ZNF385D: variants seen among roughly 807,000 people sequenced by gnomAD.
The protein encoded by ZNF385D is zinc finger protein 659.
In ZNF385D, 15 loss-of-function variants were observed where a neutral mutation model predicts 35.8. The observed-to-expected ratio is 0.42, with a 90% CI of 0.28 to 0.64. ZNF385D has a LOEUF of 0.64. Ranked by LOEUF, ZNF385D falls within the 30% of genes least tolerant of loss-of-function variation. The pLI is 0.23. For synonymous variants in ZNF385D, 212 were observed against 186.8 expected, an observed-to-expected ratio of 1.13 and a Z score of -1.10; for missense variants, 474 against 494.6, an observed-to-expected ratio of 0.96 and a Z score of 0.39.
chr3:22,255,659 T>C (rs1700277812), intron 2 of ZNF385D, among the ~76,000 whole-genome samples: 1 of 150,332 alleles, frequency 6.7e-6, no homozygotes, highest in African/African-American at 2.4e-5. Context: ...TAACATCACA[T>C]TTCAAAAAAA....
At chr3:21,852,865 C>G (rs924366555) in intron 3 of ZNF385D, among the ~76,000 whole-genome samples, 1 of 151,762 alleles carries the variant, frequency 6.6e-6, no homozygotes, top group Non-Finnish European at 1.5e-5. Flanking sequence ...AAATAATGTT[C>G]TCTCTAAAGC....
intron 1 of ZNF385D, among the ~76,000 whole-genome samples, chr3:21,699,335 T>C (rs1035168941): frequency 1.3e-4 from 20 of 151,840 alleles, no homozygotes; most frequent in African/African-American, 4.4e-4. Context: ...CCGGGGCCTG[T>C]CAGGGGGTGA....
chr3:21,708,972 G>T (rs2068004230), intron 1 of ZNF385D, among the ~76,000 whole-genome samples: 1 of 152,046 alleles, frequency 6.6e-6, no homozygotes, highest in African/African-American at 2.4e-5. Flanking sequence ...GCAAAGGTTT[G>T]TTTCGAAAGC....
chr3:21,934,388 A>G (rs531896580), intron 3 of ZNF385D, among the ~76,000 whole-genome samples: 10 of 152,180 alleles, frequency 6.6e-5, no homozygotes, highest in Non-Finnish European at 1.5e-4. Flanking sequence ...ATAACTTTCA[A>G]TAGATTCTTT....
intron 2 of ZNF385D, among the ~76,000 whole-genome samples, chr3:22,205,822 A>G (rs1559451461): frequency 6.6e-6 from 1 of 151,982 alleles, no homozygotes; most frequent in African/African-American, 2.4e-5. Context: ...ACTAAAAGGA[A>G]GAAGGAAGGA....
intron 3 of ZNF385D, among the ~76,000 whole-genome samples, chr3:21,809,675 C>T (rs71613668): frequency 0.15 from 12,190 of 82,212 alleles, 750 homozygotes; most frequent in East Asian, 0.38. Context: ...CACATATATA[C>T]ACACATATAT....
intron 7 of ZNF385D, 27 bp downstream of exon 7, chr3:21,423,936 G>A (rs1394358858): frequency 1.4e-5 from 22 of 1,593,358 alleles, no homozygotes; most frequent in Non-Finnish European, 1.9e-5. Context: ...GGGAATAGAG[G>A]CTGGACTCTT....
chr3:21,672,326 G>C (rs1298992542), intron 1 of ZNF385D, among the ~76,000 whole-genome samples: 3 of 150,552 alleles, frequency 2.0e-5, no homozygotes, highest in African/African-American at 7.3e-5. Context: ...CTAGGTTTCA[G>C]AAAGTTGATC....
chr3:21,824,520 T>C (rs1371977399), intron 3 of ZNF385D, among the ~76,000 whole-genome samples: 4 of 152,216 alleles, frequency 2.6e-5, no homozygotes, highest in Admixed American at 6.5e-5. Flanking sequence ...TCTGTACATA[T>C]ATGCCTCATC....
intron 2 of ZNF385D, among the ~76,000 whole-genome samples, chr3:22,317,280 C>CA (rs59675675): frequency 0.057 from 1,478 of 26,116 alleles, 46 homozygotes; most frequent in African/African-American, 0.13. Flanking sequence ...ACTCCATCTC[C>CA]AAAAAAAAAA....
intron 3 of ZNF385D, among the ~76,000 whole-genome samples, chr3:21,854,857 G>T (rs946389824): frequency 1.3e-5 from 2 of 151,958 alleles, no homozygotes; most frequent in African/African-American, 2.4e-5. Flanking sequence ...TTGGGTAACA[G>T]TGATATGGCC....
chr3:22,117,905 C>T (rs1702891471), intron 3 of ZNF385D, among the ~76,000 whole-genome samples: 2 of 151,918 alleles, frequency 1.3e-5, no homozygotes, highest in South Asian at 4.1e-4. Flanking sequence ...TTTCATGTGG[C>T]ACAATTTCTT....
intron 3 of ZNF385D, among the ~76,000 whole-genome samples, chr3:21,522,581 G>A (rs1440940769): frequency 6.6e-6 from 1 of 151,948 alleles, no homozygotes; most frequent in Non-Finnish European, 1.5e-5. Flanking sequence ...CTTGTGATCT[G>A]CCTGCCTCAG....
intron 3 of ZNF385D, among the ~76,000 whole-genome samples, chr3:22,018,298 C>G (rs1041134812): frequency 1.3e-5 from 2 of 151,316 alleles, no homozygotes; most frequent in African/African-American, 2.4e-5. Flanking sequence ...ATTCTTTATT[C>G]TATTTCACTG....
chr3:22,143,333 C>A (rs1315576240), intron 3 of ZNF385D, among the ~76,000 whole-genome samples: 1 of 152,216 alleles, frequency 6.6e-6, no homozygotes, highest in South Asian at 2.1e-4. Flanking sequence ...ATCTGCCCGC[C>A]TCGGCCTCCC....
At chr3:22,036,915 A>G (rs1181261501) in intron 3 of ZNF385D, among the ~76,000 whole-genome samples, 2 of 127,154 alleles carry the variant, frequency 1.6e-5, no homozygotes, top group Non-Finnish European at 3.1e-5. Flanking sequence ...TCCCGTGTCC[A>G]TGTGTTCTCA....
chr3:21,863,914 G>C (rs1374459410), intron 3 of ZNF385D, among the ~76,000 whole-genome samples: 1 of 152,100 alleles, frequency 6.6e-6, no homozygotes, highest in African/African-American at 2.4e-5. Flanking sequence ...GAATCACCAG[G>C]AATCTTGTTC....
chr3:21,554,975 A>G (rs1339185145), intron 3 of ZNF385D, among the ~76,000 whole-genome samples: 1 of 152,208 alleles, frequency 6.6e-6, no homozygotes, highest in East Asian at 1.9e-4. Flanking sequence ...CATATCAAAC[A>G]TAAGGCTCTT....
chr3:21,922,843 G>C (rs1293481275), intron 3 of ZNF385D, among the ~76,000 whole-genome samples: 2 of 152,052 alleles, frequency 1.3e-5, no homozygotes, highest in African/African-American at 4.8e-5. Context: ...TCAATAAATA[G>C]ACAACCTACA....
Sources: allele counts gnomAD v4.1 joint callset (sites outside exome capture counted in the v4.1 genomes callset), GRCh38; gene constraint gnomAD v4.1.1; transcripts MANE v1.5; gene names NCBI Gene and HGNC (gene_info 2026-07-23, HGNC 2026-07-21).